PPP1R17: variants seen among roughly 807,000 people sequenced by gnomAD.
The protein encoded by PPP1R17 is G-substrate.
A neutral mutation model predicts 15.9 loss-of-function variants in PPP1R17; 12 were observed. The ratio of observed to expected loss-of-function variants is 0.75; its 90% CI spans 0.48 to 1.22. The LOEUF (loss-of-function observed/expected upper bound fraction) is 1.22, where lower values mean the gene tolerates loss of function less well. Among genes scored for constraint, PPP1R17 ranks in the 50% most tolerant of loss-of-function variants. The pLI is 0.00. For missense variants in PPP1R17, 211 were observed against 187.3 expected (o/e 1.13, Z -0.74); for synonymous variants, 63 against 64.5 (o/e 0.98, Z 0.11).
At chr7:31,695,228 C>T (rs921602439) in intron 2 of PPP1R17, among the ~76,000 whole-genome samples, 1 of 152,146 alleles carries the variant, frequency 6.6e-6, no homozygotes, top group Non-Finnish European at 1.5e-5. Flanking sequence ...CCTCGGTGAT[C>T]CATCCATTTG....
chr7:31,707,367 C>T lies in PPP1R17; in HGVS notation c.*84C>T. ...GAGAAAAAATAGACTTGTTTCTGCT[C>T]TCATTTTTGTCATCGTCTGACTTGA... is the stretch of plus-strand genomic sequence containing the variant. On this transcript the variant is annotated 3_prime_UTR_variant, in exon 5 of 5. Coordinates refer to ENST00000342032, the MANE Select transcript of PPP1R17 (RefSeq NM_006658.5). 1 of 1,188,112 alleles carries T rather than the reference C, an allele frequency of 8.4e-7. No individual in the cohort carries two copies. Among genetic ancestry groups the T allele is most frequent in the Non-Finnish European group, 1.2e-6 (1 of 837,064 alleles). The allele number at this position is 1,188,112 out of a possible 1,614,324, so 73.6% of individuals were successfully genotyped here.
At position 31,707,403 on chromosome 7, in the gene PPP1R17, A is replaced by G; in HGVS notation, c.*120A>G. 2 of 782,288 alleles carry G rather than the reference A, an allele frequency of 2.6e-6. No individual in the cohort carries two copies. The highest frequency in any genetic ancestry group is 4.1e-6 in the Non-Finnish European group (2 of 490,540). 48.5% of individuals were successfully genotyped at this position (782,288 alleles called of 1,614,324 possible). ...CATCGTCTGACTTGAAGATTCAGAC[A>G]CCTTCTCCCCAGGAGATGTATGCCA... On this transcript the variant is annotated 3_prime_UTR_variant, in exon 5 of 5. Transcript: ENST00000342032.
intron 1 of PPP1R17, among the ~76,000 whole-genome samples, chr7:31,690,362 A>G (rs906945713): frequency 2.6e-5 from 4 of 152,210 alleles, no homozygotes; most frequent in African/African-American, 4.8e-5. Context: ...TATTATCTCT[A>G]TTTTACAGAT....
intron 4 of PPP1R17, 140 bp downstream of exon 4, chr7:31,697,257 A>G (rs376639211): frequency 9.8e-7 from 1 of 1,016,718 alleles, no homozygotes; most frequent in African/African-American, 1.6e-5. Flanking sequence ...GAGAAGCCAC[A>G]CTCAGTGCTA....
chr7:31,707,238 A>C lies in PPP1R17; in HGVS notation c.423A>C (p.Ala141=), dbSNP rs1793106012. ...TGCTCAGGGACGAGAGACCCAAAGC[A>C]ATCGTGGAAGATGACGAAAAGGATG... ...VTLLRDERPK[A]IVEDDEKDGD... The change falls in exon 5 of 5, where the codon GCA becomes GCC. Residue 141 remains alanine, a synonymous_variant. Coordinates refer to ENST00000342032, the MANE Select transcript of PPP1R17 (RefSeq NM_006658.5). 6.2e-7 allele frequency: 1 copy of C among 1,614,002 alleles called. No homozygotes were observed. The highest frequency in any genetic ancestry group is 8.5e-7 in the Non-Finnish European group (1 of 1,179,986).
chr7:31,697,611 A>T (rs575090052), intron 4 of PPP1R17, among the ~76,000 whole-genome samples: 3 of 152,108 alleles, frequency 2.0e-5, no homozygotes, highest in Admixed American at 6.5e-5. Flanking sequence ...TCTGTAAAGG[A>T]GCTGCTCTGT....
At chr7:31,703,370 C>T (rs567489243) in intron 4 of PPP1R17, among the ~76,000 whole-genome samples, 72 of 152,312 alleles carry the variant, frequency 4.7e-4, no homozygotes, top group African/African-American at 1.7e-3. Flanking sequence ...CCAATATCTA[C>T]ATCCTAAGAG....
chr7:31,691,466 C>T (rs933606441), intron 1 of PPP1R17, among the ~76,000 whole-genome samples: 1 of 152,126 alleles, frequency 6.6e-6, no homozygotes, highest in African/African-American at 2.4e-5. Context: ...AAAAAGAACT[C>T]AAGATACAGA....
At chr7:31,699,736 T>C (rs1020882338) in intron 4 of PPP1R17, among the ~76,000 whole-genome samples, 2 of 152,160 alleles carry the variant, frequency 1.3e-5, no homozygotes, top group African/African-American at 2.4e-5. Context: ...ATGTGTTAAC[T>C]TCATGTCTCT....
At chr7:31,698,645 A>T (rs1382588043) in intron 4 of PPP1R17, among the ~76,000 whole-genome samples, 1 of 152,242 alleles carries the variant, frequency 6.6e-6, no homozygotes, top group Non-Finnish European at 1.5e-5. Flanking sequence ...TACTTGTCAC[A>T]TCCTGGGCTC....
intron 4 of PPP1R17, among the ~76,000 whole-genome samples, chr7:31,704,693 T>C (rs1392861048): frequency 6.6e-6 from 1 of 152,210 alleles, no homozygotes; most frequent in Non-Finnish European, 1.5e-5. Flanking sequence ...CATCACACAC[T>C]GTGGAAGATA....
intron 3 of PPP1R17, chr7:31,695,877 C>T (rs765317011): frequency 6.8e-6 from 2 of 294,324 alleles, no homozygotes; most frequent in South Asian, 8.4e-5. Flanking sequence ...GAGGCAAGCT[C>T]TGCTTCAAAG....
chr7:31,705,151 C>T (rs1465865208), intron 4 of PPP1R17, among the ~76,000 whole-genome samples: 1 of 152,174 alleles, frequency 6.6e-6, no homozygotes, highest in East Asian at 1.9e-4. Context: ...TTGAGAAGGG[C>T]TGGCTGTGAT....
chr7:31,708,262 C>G lies in PPP1R17; in HGVS notation c.*979C>G, dbSNP rs565948368. 1.5e-4 allele frequency: 23 copies of G among 152,250 alleles called. No homozygotes were observed. Among genetic ancestry groups the G allele is most frequent in the African/African-American group, 5.5e-4 (23 of 41,556 alleles). The allele number at this position is 152,250 out of a possible 1,614,324, so 9.4% of individuals were successfully genotyped here. ...AGGCATACAGGCCTCATCCACCAGG[C>G]AATAGACAGGAGAGAGGTGAGAACT... On this transcript the variant is annotated 3_prime_UTR_variant, in exon 5 of 5. Coordinates refer to ENST00000342032, the MANE Select transcript of PPP1R17 (RefSeq NM_006658.5).
chr7:31,692,931 A>G (rs1269868705), intron 2 of PPP1R17, among the ~76,000 whole-genome samples: 4 of 152,222 alleles, frequency 2.6e-5, no homozygotes, highest in Non-Finnish European at 4.4e-5. Flanking sequence ...TTTGCCTATC[A>G]AGACAGAATT....
At chr7:31,705,778 G>A (rs1793041532) in intron 4 of PPP1R17, among the ~76,000 whole-genome samples, 1 of 151,996 alleles carries the variant, frequency 6.6e-6, no homozygotes, top group African/African-American at 2.4e-5. Flanking sequence ...GGCAGTGCGA[G>A]GCAGTGGTGG....
intron 4 of PPP1R17, among the ~76,000 whole-genome samples, chr7:31,699,425 C>A (rs1201366339): frequency 6.6e-6 from 1 of 152,190 alleles, no homozygotes; most frequent in Non-Finnish European, 1.5e-5. Context: ...TCTTTCAGAG[C>A]AGTTTTAATA....
intron 1 of PPP1R17, among the ~76,000 whole-genome samples, chr7:31,688,645 C>T (rs1432573177): frequency 2.6e-5 from 4 of 152,198 alleles, no homozygotes; most frequent in Non-Finnish European, 4.4e-5. Flanking sequence ...TATTGCTGCT[C>T]TTAGTGGTAT....
intron 4 of PPP1R17, among the ~76,000 whole-genome samples, chr7:31,698,158 T>TA (rs1792681742): frequency 6.6e-6 from 1 of 152,174 alleles, no homozygotes; most frequent in Non-Finnish European, 1.5e-5. Flanking sequence ...GAAGATAAAA[T>TA]TTGGCTGTTG....
Sources: allele counts gnomAD v4.1 joint callset (sites outside exome capture counted in the v4.1 genomes callset), GRCh38; gene constraint gnomAD v4.1.1; transcripts MANE v1.5; gene names NCBI Gene and HGNC (gene_info 2026-07-23, HGNC 2026-07-21).